The following TNFAIP8 variants were observed in gnomAD, a reference collection of about 807,000 sequenced individuals.
The protein encoded by TNFAIP8 is tumor necrosis factor alpha-induced protein 8.
In TNFAIP8, 7 loss-of-function variants were observed where a neutral mutation model predicts 13.3. That is an observed-to-expected ratio of 0.52 (90% CI 0.30 to 0.99). The LOEUF is 0.99. Ranked by LOEUF, TNFAIP8 falls within the 50% of genes least tolerant of loss-of-function variation. The pLI, the probability that TNFAIP8 is intolerant of heterozygous loss-of-function variation, is 0.07. For synonymous variants in TNFAIP8, 94 were observed against 87.6 expected, an observed-to-expected ratio of 1.07 and a Z score of -0.41; for missense variants, 258 against 236.9, an observed-to-expected ratio of 1.09 and a Z score of -0.58.
At chr5:119,352,593 C>T (rs374382232), upstream of TNFAIP8, among the ~76,000 whole-genome samples, 9 of 152,242 alleles carry the variant, frequency 5.9e-5, no homozygotes, top group African/African-American at 2.2e-4. Flanking sequence ...CTTGTCTTCC[C>T]AGTTCTGCCG....
intron 1 of TNFAIP8, among the ~76,000 whole-genome samples, chr5:119,302,430 T>C (rs1749425094): frequency 6.6e-6 from 1 of 152,226 alleles, no homozygotes; most frequent in African/African-American, 2.4e-5. Flanking sequence ...TCTCCTCTGC[T>C]TCTAGTATGT....
At chr5:119,371,536 A>G (rs80225589) in intron 1 of TNFAIP8, among the ~76,000 whole-genome samples, 1 of 152,338 alleles carries the variant, frequency 6.6e-6, no homozygotes, top group African/African-American at 2.4e-5. Flanking sequence ...ACAGGATACT[A>G]GTTCAAGGGG....
At chr5:119,330,539 C>G (rs1418859046) in intron 1 of TNFAIP8, among the ~76,000 whole-genome samples, 1 of 152,148 alleles carries the variant, frequency 6.6e-6, no homozygotes, top group Non-Finnish European at 1.5e-5. Flanking sequence ...CTCATGGCCT[C>G]TCCTCTCAGC....
chr5:119,387,186 T>C (rs1752715483), intron 1 of TNFAIP8, among the ~76,000 whole-genome samples: 2 of 152,194 alleles, frequency 1.3e-5, no homozygotes, highest in Admixed American at 1.3e-4. Flanking sequence ...TGACTTCTTA[T>C]GACAGGGTTC....
chr5:119,347,981 C>G (rs1003822066), intron 1 of TNFAIP8, among the ~76,000 whole-genome samples: 1 of 152,324 alleles, frequency 6.6e-6, no homozygotes. Flanking sequence ...CCAGATTCCA[C>G]AAATGGAGTA....
At chr5:119,383,395 GC>G (rs985371854) in intron 1 of TNFAIP8, among the ~76,000 whole-genome samples, 1 of 152,070 alleles carries the variant, frequency 6.6e-6, no homozygotes, top group Admixed American at 6.6e-5. Flanking sequence ...CATAATACTT[GC>G]CCCCCAACCA....
At chr5:119,324,308 A>G (rs928912542) in intron 1 of TNFAIP8, among the ~76,000 whole-genome samples, 4 of 119,766 alleles carry the variant, frequency 3.3e-5, no homozygotes, top group Non-Finnish European at 6.7e-5. Flanking sequence ...AAAAAAAAAA[A>G]AAAAAAGAAG....
intron 1 of TNFAIP8, chr5:119,306,697 TTCCCAAAAGGGATACCCTG>T (rs1226633854): frequency 6.6e-6 from 1 of 152,234 alleles, no homozygotes; most frequent in African/African-American, 2.4e-5. Context: ...AGGAGTGATT[TTCCCAAAAGGGATACCCTG>T]TCCCAGTGAT....
intron 1 of TNFAIP8, among the ~76,000 whole-genome samples, chr5:119,318,545 T>G (rs1371647513): frequency 1.3e-5 from 2 of 152,142 alleles, no homozygotes; most frequent in African/African-American, 4.8e-5. Context: ...AACCTCGTGC[T>G]TCAGTCTCCC....
intron 1 of TNFAIP8, among the ~76,000 whole-genome samples, chr5:119,389,646 T>A (rs1172598259): frequency 6.6e-6 from 1 of 152,096 alleles, no homozygotes; most frequent in East Asian, 1.9e-4. Context: ...CTTTCTCTAA[T>A]GCTGGAAAAT....
intron 1 of TNFAIP8, among the ~76,000 whole-genome samples, chr5:119,334,116 C>T (rs1313212468): frequency 7.1e-6 from 1 of 141,186 alleles, no homozygotes; most frequent in African/African-American, 2.7e-5. Context: ...TTGAATATTG[C>T]TGTTGCCATT....
rs935414452 is a variant in TNFAIP8, at chr5:119,398,762, C to G, written c.*5381C>G. 2 of 151,790 alleles carry G rather than the reference C, an allele frequency of 1.3e-5. No individual in the cohort carries two copies. The highest frequency in any genetic ancestry group is 4.8e-5 in the African/African-American group (2 of 41,312). The allele number at this position is 151,790 out of a possible 1,614,324, so 9.4% of individuals were successfully genotyped here. A position where few individuals can be genotyped will look rare whatever the true frequency, so the allele number is the denominator to read the frequency against. ...CCTGATGTGAAGTTGAAACACAAGA[C>G]GCGGAAATAAAAACTCAGAGTATAA... On this transcript the variant is annotated 3_prime_UTR_variant, in exon 2 of 2. Transcript: ENST00000504771.
At chr5:119,278,752 C>G (rs549425426) in intron 1 of TNFAIP8, among the ~76,000 whole-genome samples, 8 of 152,304 alleles carry the variant, frequency 5.3e-5, no homozygotes, top group African/African-American at 1.9e-4. Context: ...GGAGTTAAAA[C>G]TAACCACCCA....
At chr5:119,296,440 C>A (rs183141174) in intron 1 of TNFAIP8, among the ~76,000 whole-genome samples, 9,824 of 151,606 alleles carry the variant, frequency 0.065, 763 homozygotes, top group African/African-American at 0.18. Flanking sequence ...ATTGATTTGC[C>A]TATATTGAAC....
chr5:119,327,520 G>A lies in TNFAIP8; in HGVS notation c.1+58613G>A, dbSNP rs192989437. On this transcript the variant is annotated intron_variant, in intron 1 of 1. Transcript: ENST00000274456. Reference sequence around the variant, plus strand: ...GTTACCCAGGCTAGAGTGCAGTGGCGCGATCTCTGCTCACTGCAACCTCTG... The same window carrying A: ...GTTACCCAGGCTAGAGTGCAGTGGCACGATCTCTGCTCACTGCAACCTCTG... Among the ~76,000 whole-genome samples, 93 of 152,208 alleles carry A rather than the reference G, an allele frequency of 6.1e-4. 1 individual carries two copies. Among genetic ancestry groups the A allele is most frequent in the South Asian group, 1.7e-3 (8 of 4,826 alleles).
chr5:119,343,933 T>G (rs569891284), intron 1 of TNFAIP8, among the ~76,000 whole-genome samples: 5 of 152,328 alleles, frequency 3.3e-5, no homozygotes, highest in Admixed American at 6.5e-5. Flanking sequence ...AAAACAAGTG[T>G]CAAAAATTTC....
intron 1 of TNFAIP8, among the ~76,000 whole-genome samples, chr5:119,356,691 T>G (rs781719858): frequency 3.3e-5 from 5 of 152,086 alleles, no homozygotes; most frequent in Non-Finnish European, 5.9e-5. Context: ...GGGGTCCTTG[T>G]GCAGCTTGAA....
At chr5:119,326,799 G>C (rs1462328647) in intron 1 of TNFAIP8, among the ~76,000 whole-genome samples, 1 of 152,176 alleles carries the variant, frequency 6.6e-6, no homozygotes, top group African/African-American at 2.4e-5. Flanking sequence ...GAGGGAGAGT[G>C]GGACCCACGA....
intron 1 of TNFAIP8, among the ~76,000 whole-genome samples, chr5:119,300,574 T>G (rs896144174): frequency 2.6e-5 from 4 of 152,232 alleles, no homozygotes; most frequent in Non-Finnish European, 4.4e-5. Flanking sequence ...TTTTTCTTGC[T>G]TACTATGTAC....
Sources: allele counts gnomAD v4.1 joint callset (sites outside exome capture counted in the v4.1 genomes callset), GRCh38; gene constraint gnomAD v4.1.1; transcripts MANE v1.5; gene names NCBI Gene and HGNC (gene_info 2026-07-23, HGNC 2026-07-21).